VDAC1: variants seen among roughly 807,000 people sequenced by gnomAD.
VDAC1 encodes non-selective voltage-gated ion channel VDAC1.
A neutral mutation model predicts 34.7 loss-of-function variants in VDAC1; 10 were observed. That is an observed-to-expected ratio of 0.29 (90% CI 0.18 to 0.49). The LOEUF (loss-of-function observed/expected upper bound fraction) is 0.49, where lower values mean the gene tolerates loss of function less well. VDAC1 is among the 20% of genes least tolerant of loss of function. VDAC1 has a pLI of 0.99. For synonymous variants in VDAC1, 130 were observed against 136.0 expected (o/e 0.96, Z 0.30); for missense variants, 230 against 347.9 (o/e 0.66, Z 2.69).
chr5:133,986,403 TG>T (rs1752907277), intron 5 of VDAC1, among the ~76,000 whole-genome samples: 1 of 151,880 alleles, frequency 6.6e-6, no homozygotes, highest in Non-Finnish European at 1.5e-5. Flanking sequence ...ATTTTAGTTT[TG>T]TTTTTTTTTT....
chr5:134,085,722 T>TAAAAAACAAA, the VDAC1 span, among the ~76,000 whole-genome samples: 1 of 44,224 alleles, frequency 2.3e-5, no homozygotes, highest in Non-Finnish European at 3.7e-5. Flanking sequence ...ACCCCATTTC[T>TAAAAAACAAA]AAAAAAAAAA....
intron 1 of VDAC1, among the ~76,000 whole-genome samples, chr5:134,002,852 A>C (rs1019860945): frequency 2.0e-5 from 3 of 151,902 alleles, no homozygotes; most frequent in Non-Finnish European, 4.4e-5. Flanking sequence ...GGGATCCCAG[A>C]TACTCTGTGA....
chr5:134,025,835 A>G, the VDAC1 span, among the ~76,000 whole-genome samples: 1 of 151,934 alleles, frequency 6.6e-6, no homozygotes, highest in Non-Finnish European at 1.5e-5. Context: ...GCCTCAAGCG[A>G]TCCTCCCACC....
At chr5:134,009,247 C>CTTT (rs869155174), upstream of VDAC1, among the ~76,000 whole-genome samples, 44 of 87,072 alleles carry the variant, frequency 5.1e-4, no homozygotes, top group Non-Finnish European at 6.4e-4. Flanking sequence ...TTTATCAATT[C>CTTT]TTTTTTTTTT....
At chr5:134,025,674 C>G in the VDAC1 span, among the ~76,000 whole-genome samples, 1 of 152,166 alleles carries the variant, frequency 6.6e-6, no homozygotes, top group South Asian at 2.1e-4. Flanking sequence ...ACTGCAACCT[C>G]AAACTCCTGG....
At chr5:134,082,340 G>T in the VDAC1 span, among the ~76,000 whole-genome samples, 1 of 152,034 alleles carries the variant, frequency 6.6e-6, no homozygotes, top group African/African-American at 2.4e-5. Flanking sequence ...CTTTTGCCTG[G>T]ATTTTTTCAT....
chr5:134,084,871 T>G, the VDAC1 span, among the ~76,000 whole-genome samples: 1 of 152,188 alleles, frequency 6.6e-6, no homozygotes, highest in Non-Finnish European at 1.5e-5. Context: ...ACTGGCATTT[T>G]CCTGATGAAG....
chr5:134,033,938 G>A, the VDAC1 span, among the ~76,000 whole-genome samples: 1 of 151,924 alleles, frequency 6.6e-6, no homozygotes, highest in Non-Finnish European at 1.5e-5. Flanking sequence ...CTTGCAGTGA[G>A]CCGAGATCGC....
chr5:134,107,068 C>T, the VDAC1 span, among the ~76,000 whole-genome samples: 1 of 152,224 alleles, frequency 6.6e-6, no homozygotes, highest in Non-Finnish European at 1.5e-5. Flanking sequence ...CTTACAGAGA[C>T]CACCCCTGCT....
At chr5:134,015,558 C>T in the VDAC1 span, among the ~76,000 whole-genome samples, 1 of 152,024 alleles carries the variant, frequency 6.6e-6, no homozygotes, top group Admixed American at 6.5e-5. Flanking sequence ...AGGCAAATGG[C>T]AAGGTTGTAA....
chr5:133,998,127 A>G (rs1313982379), intron 1 of VDAC1, among the ~76,000 whole-genome samples: 1 of 152,110 alleles, frequency 6.6e-6, no homozygotes, highest in Non-Finnish European at 1.5e-5. Flanking sequence ...AAATGAAAAA[A>G]GTCAGAAAAT....
chr5:134,094,530 C>T, the VDAC1 span, among the ~76,000 whole-genome samples: 1 of 151,916 alleles, frequency 6.6e-6, no homozygotes, highest in African/African-American at 2.4e-5. Flanking sequence ...ACCCTGTCTC[C>T]ACTAAAAATA....
chr5:134,102,147 C>T, the VDAC1 span, among the ~76,000 whole-genome samples: 1 of 152,162 alleles, frequency 6.6e-6, no homozygotes, highest in African/African-American at 2.4e-5. Context: ...AGGCACGGCC[C>T]CTTCCAAATC....
At chr5:134,031,670 G>A in the VDAC1 span, among the ~76,000 whole-genome samples, 1 of 152,068 alleles carries the variant, frequency 6.6e-6, no homozygotes, top group Admixed American at 6.6e-5. Flanking sequence ...CAAAAAATTA[G>A]GCCAGGCGCA....
the VDAC1 span, among the ~76,000 whole-genome samples, chr5:134,093,691 C>A: frequency 1.1e-4 from 17 of 152,348 alleles, no homozygotes; most frequent in Non-Finnish European, 1.2e-4. Flanking sequence ...CGTCCAGGTT[C>A]TTCGATCAGG....
At chr5:134,058,615 C>T in the VDAC1 span, among the ~76,000 whole-genome samples, 8 of 152,170 alleles carry the variant, frequency 5.3e-5, no homozygotes, top group African/African-American at 1.9e-4. Context: ...GCACCCGGCC[C>T]AAGGACTCTG....
At chr5:134,109,814 T>G in the VDAC1 span, among the ~76,000 whole-genome samples, 3 of 149,452 alleles carry the variant, frequency 2.0e-5, no homozygotes, top group African/African-American at 7.5e-5. Flanking sequence ...CATCTGCAGC[T>G]TCCAGGTGAA....
the VDAC1 span, among the ~76,000 whole-genome samples, chr5:134,052,245 C>T: frequency 6.6e-6 from 1 of 152,182 alleles, no homozygotes; most frequent in Non-Finnish European, 1.5e-5. Flanking sequence ...TTTCCCACAA[C>T]TCTCCACTCT....
intron 6 of VDAC1, among the ~76,000 whole-genome samples, chr5:133,978,339 G>C (rs1752560350): frequency 6.6e-6 from 1 of 151,908 alleles, no homozygotes; most frequent in African/African-American, 2.4e-5. Flanking sequence ...GTATTTCTAT[G>C]TTCCCCAGGC....
Sources: allele counts gnomAD v4.1 joint callset (sites outside exome capture counted in the v4.1 genomes callset), GRCh38; gene constraint gnomAD v4.1.1; transcripts MANE v1.5; gene names NCBI Gene and HGNC (gene_info 2026-07-23, HGNC 2026-07-21).